The following STK10 variants were observed in gnomAD, a reference collection of about 807,000 sequenced individuals.
The protein encoded by STK10 is serine/threonine-protein kinase 10.
STK10 carries 78 observed loss-of-function variants against 113.8 expected under a neutral mutation model. The ratio of observed to expected loss-of-function variants is 0.69; its 90% CI spans 0.57 to 0.83. STK10 has a LOEUF of 0.83. Ranked by LOEUF, STK10 falls within the 40% of genes least tolerant of loss-of-function variation. The pLI, the probability that STK10 is intolerant of heterozygous loss-of-function variation, is 0.00. For missense variants in STK10, 1,109 were observed against 1,280.1 expected (o/e 0.87, Z 2.04); for synonymous variants, 465 against 494.7 (o/e 0.94, Z 0.80).
intron 2 of STK10, among the ~76,000 whole-genome samples, chr5:172,148,947 A>G (rs1321246954): frequency 6.6e-6 from 1 of 152,236 alleles, no homozygotes; most frequent in Non-Finnish European, 1.5e-5. Flanking sequence ...GCACTTTGGG[A>G]GGCGGAGGGA....
At chr5:172,095,864 G>A (rs58723146) in intron 8 of STK10, among the ~76,000 whole-genome samples, 8,434 of 152,276 alleles carry the variant, frequency 0.055, 783 homozygotes, top group African/African-American at 0.19. Flanking sequence ...CAACAGCTTG[G>A]GCCAGAATCC....
In STK10 at chr5:172,090,358, G is replaced by A. The variant is rs17074311; in HGVS notation, c.1559C>T (p.Pro520Leu). 3,489 of 1,613,350 alleles carry A rather than the reference G, an allele frequency of 2.2e-3. 65 individuals carry two copies. In the African/African-American group the frequency reaches 0.04, roughly 18 times the overall value. The change falls in exon 10 of 19, where the codon CCG becomes CTG. Residue 520 changes from proline (P) to leucine (L), a missense_variant. Physicochemically the swap from Pro to Leu is moderately conservative, Grantham distance 98. This residue lies in a region of STK10 where 885 missense variants were observed against 991.1 expected (regional missense o/e 0.89). Coordinates refer to ENST00000176763, the MANE Select transcript of STK10 (RefSeq NM_005990.4). ...KEMGSLSIKDPKLYKKTLKRT... is the reference protein window; with the variant it reads ...KEMGSLSIKDLKLYKKTLKRT... ...CTTGAGGGTTTTTTTGTACAGTTTC[G>A]GGTCCTGGCCAGGGAAAACCATTAG...
chr5:172,068,963 G>A (rs1323008463), intron 12 of STK10, among the ~76,000 whole-genome samples: 1 of 151,338 alleles, frequency 6.6e-6, no homozygotes, highest in Non-Finnish European at 1.5e-5. Context: ...TGGTTGTAAA[G>A]GTACATTTTA....
At chr5:172,135,601 C>T (rs1466219137) in intron 2 of STK10, among the ~76,000 whole-genome samples, 2 of 152,080 alleles carry the variant, frequency 1.3e-5, no homozygotes, top group African/African-American at 4.8e-5. Flanking sequence ...GTAAAATGTG[C>T]AGTCCAGGCA....
intron 7 of STK10, among the ~76,000 whole-genome samples, chr5:172,104,121 C>G (rs1430928225): frequency 6.6e-6 from 1 of 152,228 alleles, no homozygotes; most frequent in Admixed American, 6.5e-5. Context: ...TACAAAGACT[C>G]AAGTGCCTGG....
rs879435140 is a variant in STK10, at chr5:172,187,802, G to A, written c.156+85C>T. On this transcript the variant is annotated intron_variant, in intron 1 of 18. Coordinates refer to ENST00000176763, the MANE Select transcript of STK10 (RefSeq NM_005990.4). The surrounding 1 kb of genome is among the most constrained non-coding windows in gnomAD (Gnocchi z 4.6). ...GCGCCGGGCAGCCCTCGGAGCCGGA[G>A]CCAGGCTGGCCGGGTCCGGCTCAGG... 5.8e-6 allele frequency: 9 copies of A among 1,546,176 alleles called. No individual in the cohort carries two copies. Among genetic ancestry groups the A allele is most frequent in the South Asian group, 1.2e-5 (1 of 84,642 alleles).
At chr5:172,185,100 G>A (rs1770930375) in intron 1 of STK10, among the ~76,000 whole-genome samples, 1 of 152,094 alleles carries the variant, frequency 6.6e-6, no homozygotes, top group African/African-American at 2.4e-5. Context: ...AAAGCAGGAG[G>A]AAACACAACT....
intron 15 of STK10, among the ~76,000 whole-genome samples, chr5:172,056,108 A>G (rs1767748083): frequency 6.6e-6 from 1 of 152,208 alleles, no homozygotes; most frequent in Non-Finnish European, 1.5e-5. Context: ...ATGAACTTAT[A>G]TTTTAAAAAA....
In STK10 at chr5:172,061,354, G is replaced by A. The variant is rs553901994; in HGVS notation, c.2083-86C>T. On this transcript the variant is annotated intron_variant, in intron 13 of 18. Coordinates refer to ENST00000176763, the MANE Select transcript of STK10 (RefSeq NM_005990.4). ...TTCCTATTATGGGAGAAAAGCCCGCGTGATCAGAGAAGAAAATGCAGGAAC... is the reference window on the plus strand; with the variant it reads ...TTCCTATTATGGGAGAAAAGCCCGCATGATCAGAGAAGAAAATGCAGGAAC... The A allele has an allele frequency of 4.8e-5, 72 of 1,487,050 alleles. No homozygotes were observed. In the Middle Eastern group the frequency reaches 5.6e-4, roughly 12 times the overall value. The allele number at this position is 1,487,050 out of a possible 1,614,324, so 92.1% of individuals were successfully genotyped here.
At chr5:172,068,577 C>T (rs1768117823) in intron 12 of STK10, among the ~76,000 whole-genome samples, 1 of 152,194 alleles carries the variant, frequency 6.6e-6, no homozygotes, top group Middle Eastern at 3.4e-3. Flanking sequence ...AACACTTTTT[C>T]CCTTAAGATC....
intron 1 of STK10, among the ~76,000 whole-genome samples, chr5:172,186,755 G>A (rs1433767291): frequency 6.6e-6 from 1 of 152,142 alleles, no homozygotes; most frequent in Non-Finnish European, 1.5e-5. Flanking sequence ...TCGGGGCTGG[G>A]CATGAGATTG....
chr5:172,118,351 G>T (rs995370267), intron 3 of STK10, among the ~76,000 whole-genome samples: 3 of 152,148 alleles, frequency 2.0e-5, no homozygotes, highest in African/African-American at 7.2e-5. Flanking sequence ...CTCTGTGCTT[G>T]GAGCAGGAAG....
Position 172,135,442 on chromosome 5 carries a change from G to A in STK10, c.322-8021C>T, listed in dbSNP as rs1430383915. On this transcript the variant is annotated intron_variant, in intron 2 of 18. Coordinates refer to ENST00000176763, the MANE Select transcript of STK10 (RefSeq NM_005990.4). ...CAAAAGAATCATTTGAACCTGGGAG[G>A]CGGAGGTTGCAGTGAGCCAAGATCA... Among the ~76,000 whole-genome samples the A allele has an allele frequency of 2.0e-5, 3 of 152,098 alleles. No homozygotes were observed. In the East Asian group the frequency reaches 5.8e-4, roughly 29 times the overall value.
chr5:172,152,858 G>C (rs1366350434), intron 2 of STK10, among the ~76,000 whole-genome samples: 1 of 152,076 alleles, frequency 6.6e-6, no homozygotes, highest in East Asian at 1.9e-4. Flanking sequence ...AAGTAAAATA[G>C]CTCAATAACT....
intron 10 of STK10, among the ~76,000 whole-genome samples, chr5:172,084,324 C>T (rs1453321827): frequency 6.6e-6 from 1 of 151,834 alleles, no homozygotes; most frequent in African/African-American, 2.4e-5. Flanking sequence ...CGCTTGAATC[C>T]GGGAGGCGGA....
chr5:172,105,829 C>A, intron 6 of STK10, 92 bp from the exon 7 acceptor site: 2 of 1,154,168 alleles, frequency 1.7e-6, no homozygotes, highest in South Asian at 1.3e-5. Context: ...AATCATGCCC[C>A]TCAAAGGACA....
intron 6 of STK10, among the ~76,000 whole-genome samples, chr5:172,106,093 G>T (rs1000870302): frequency 2.6e-5 from 4 of 152,112 alleles, no homozygotes; most frequent in African/African-American, 9.7e-5. Flanking sequence ...TGGGTGACTT[G>T]GTTTGCTCTG....
chr5:172,125,330 A>G (rs1044547014), intron 3 of STK10, among the ~76,000 whole-genome samples: 1 of 152,010 alleles, frequency 6.6e-6, no homozygotes, highest in Non-Finnish European at 1.5e-5. Context: ...GCACTTATAC[A>G]TCTCCCTTTT....
chr5:172,090,935 TAAAAA>T (rs547251159), intron 9 of STK10, among the ~76,000 whole-genome samples: 4 of 46,098 alleles, frequency 8.7e-5, no homozygotes, highest in African/African-American at 3.9e-4. Flanking sequence ...ACTCCGTCTC[TAAAAA>T]AAAAAAAAAA....
Sources: gnomAD v4.1 joint callset for allele counts (sites outside exome capture counted in the v4.1 genomes callset) on GRCh38, gnomAD v4.1.1 for gene constraint, gnomAD v4.1.1 regional missense constraint, Gnocchi (gnomAD v3.1) non-coding constraint, MANE v1.5 for transcripts, NCBI Gene and HGNC (gene_info 2026-07-23, HGNC 2026-07-21) for gene names.